Variants in DBX2 observed in about 807,000 individuals in gnomAD.
The protein encoded by DBX2 is developing brain homeobox 2, also known as homeobox protein DBX2.
In DBX2, 16 loss-of-function variants were observed where a neutral mutation model predicts 17.7. The ratio of observed to expected loss-of-function variants is 0.90; its 90% CI spans 0.61 to 1.37. The LOEUF (loss-of-function observed/expected upper bound fraction) is 1.37. Among genes scored for constraint, DBX2 ranks in the 40% most tolerant of loss-of-function variants. The probability of loss-of-function intolerance (pLI) is 0.00; values close to 1 mark genes in which losing one functional copy is unlikely to be tolerated. For missense variants in DBX2, 538 were observed against 433.8 expected (o/e 1.24, Z -2.13); for synonymous variants, 255 against 183.8 (o/e 1.39, Z -3.13).
chr12:45,039,667 T>C lies in DBX2; in HGVS notation c.404-3553A>G, dbSNP rs551815212. On this transcript the variant is annotated intron_variant, in intron 1 of 3. Transcript: ENST00000332700. ...TACAAATTTAACACATGCTAACTCA[T>C]TGATTCATTAACATTCGACACATCT... Among the ~76,000 whole-genome samples, 11 of 152,156 alleles carry C rather than the reference T, an allele frequency of 7.2e-5. 1 individual carries two copies. The highest frequency in any genetic ancestry group is 3.3e-4 in the Admixed American group (5 of 15,284).
chr12:45,036,229 G>C, intron 1 of DBX2, 115 bp from the exon 2 acceptor site: 4 of 926,668 alleles, frequency 4.3e-6, no homozygotes, highest in Non-Finnish European at 6.1e-6. Context: ...AATTTGTATT[G>C]AAATTAAAGT....
At chr12:45,028,291 G>C (rs191200970) in intron 2 of DBX2, among the ~76,000 whole-genome samples, 17 of 152,258 alleles carry the variant, frequency 1.1e-4, no homozygotes, top group African/African-American at 3.6e-4. Flanking sequence ...TTGCAAGAAG[G>C]ACATAAGCAA....
At chr12:45,028,592 T>G (rs1032778221) in intron 2 of DBX2, among the ~76,000 whole-genome samples, 2 of 152,158 alleles carry the variant, frequency 1.3e-5, no homozygotes, top group Admixed American at 6.6e-5. Flanking sequence ...AAAAAGAAGA[T>G]TCCCATTAAG....
chr12:45,046,310 A>G (rs1946499791), intron 1 of DBX2, among the ~76,000 whole-genome samples: 1 of 152,168 alleles, frequency 6.6e-6, no homozygotes, highest in African/African-American at 2.4e-5. Flanking sequence ...TGGAAAGAAT[A>G]TGGTTCTGGT....
intron 1 of DBX2, among the ~76,000 whole-genome samples, chr12:45,044,412 A>G (rs1414891558): frequency 1.3e-5 from 2 of 152,172 alleles, no homozygotes; most frequent in African/African-American, 4.8e-5. Flanking sequence ...TTTAAAAATA[A>G]TAGAGACTTA....
rs987181390 is a variant in DBX2, at chr12:45,050,539, T to C, written c.389A>G (p.Gln130Arg). The C allele has an allele frequency of 3.9e-6, 6 of 1,550,994 alleles. No individual in the cohort carries two copies. The highest frequency in any genetic ancestry group is 2.0e-5 in the Admixed American group (1 of 51,278). ...RAPGDRDCTF[Q>R]PSAPAPSKPF... ...AGCTGGCTCACCTGGCGCTGAAGGC[T>C]GGAAGGTACAGTCTCGGTCCCCCGG... Residue 130 changes from glutamine (Q) to arginine (R), a missense_variant, in exon 1 of 4, where the codon CAG (glutamine) becomes CGG (arginine). By Grantham distance (43) the Gln-to-Arg change is conservative. Transcript: ENST00000332700.
At position 45,050,783 on chromosome 12, in the gene DBX2, C is replaced by T. The variant is rs1167017634; in HGVS notation, c.145G>A (p.Ala49Thr). The change falls in exon 1 of 4, where the codon GCC becomes ACC. Residue 49 changes from alanine to threonine, a missense_variant. Coordinates refer to ENST00000332700, the MANE Select transcript of DBX2 (RefSeq NM_001004329.3). ...GGCGGCTGCAGCCTGGGCGTTGGGGCGCCCCCGACCCGCAGCAAATTCTCG... is the reference window on the plus strand; with the variant it reads ...GGCGGCTGCAGCCTGGGCGTTGGGGTGCCCCCGACCCGCAGCAAATTCTCG... ...LIENLLRVGG[A>T]PTPRLQPPAP... 6 of 1,518,282 alleles carry T rather than the reference C, an allele frequency of 4.0e-6. No individual in the cohort carries two copies. The highest frequency in any genetic ancestry group is 2.9e-5 in the African/African-American group (2 of 69,438). The allele number at this position is 1,518,282 out of a possible 1,614,324, so 94.1% of individuals were successfully genotyped here. A position where few individuals can be genotyped will look rare whatever the true frequency, so the allele number is the denominator to read the frequency against.
intron 3 of DBX2, among the ~76,000 whole-genome samples, chr12:45,019,420 T>C (rs902141842): frequency 3.3e-5 from 5 of 152,090 alleles, no homozygotes; most frequent in African/African-American, 1.2e-4. Flanking sequence ...ACAAATAGCA[T>C]TGCCCATGAG....
Position 45,050,939 on chromosome 12 carries a change from A to C in DBX2, c.-12T>G, listed in dbSNP as rs1211774823. 4 of 1,441,998 alleles carry C rather than the reference A, an allele frequency of 2.8e-6. No individual in the cohort carries two copies. Among genetic ancestry groups the C allele is most frequent in the Non-Finnish European group, 3.7e-6 (4 of 1,095,482 alleles). The allele number at this position is 1,441,998 out of a possible 1,614,324, so 89.3% of individuals were successfully genotyped here. A position where few individuals can be genotyped will look rare whatever the true frequency, so the allele number is the denominator to read the frequency against. On this transcript the variant is annotated 5_prime_UTR_variant, in exon 1 of 4. Coordinates refer to ENST00000332700, the MANE Select transcript of DBX2 (RefSeq NM_001004329.3). ...GCGCTGGGGAGCATAGTGCGGCGCC[A>C]ACCGGTCTGCTGCGCGCCCGCCTTG...
At chr12:45,048,742 C>CAATAATTTTT (rs1946513479) in intron 1 of DBX2, among the ~76,000 whole-genome samples, 1 of 151,996 alleles carries the variant, frequency 6.6e-6, no homozygotes, top group African/African-American at 2.4e-5. Context: ...GTTTTCTTTA[C>CAATAATTTTT]AAGAATAATT....
chr12:45,017,361 CAT>C (rs1231331367), intron 3 of DBX2, among the ~76,000 whole-genome samples: 1 of 152,046 alleles, frequency 6.6e-6, no homozygotes, highest in Non-Finnish European at 1.5e-5. Flanking sequence ...CCTCATTTCA[CAT>C]GTTAAAAAAA....
rs74879879 is a variant in DBX2 at position 45,016,831 on chromosome 12, T to C, written c.688-213A>G. On this transcript the variant is annotated intron_variant, in intron 3 of 3. Coordinates refer to ENST00000332700, the MANE Select transcript of DBX2 (RefSeq NM_001004329.3). ...TATTTTTTTTGAGATGGGGTCTCTCTCTGTCACCCTGGTGCAATCTCAGCT... is the reference window on the plus strand; with the variant it reads ...TATTTTTTTTGAGATGGGGTCTCTCCCTGTCACCCTGGTGCAATCTCAGCT... Among the ~76,000 whole-genome samples the C allele has an allele frequency of 9.8e-5, 15 of 152,296 alleles. No homozygotes were observed. The East Asian group carries it at 2.7e-3, about 27-fold the overall frequency.
At chr12:45,041,016 A>G (rs1946468155) in intron 1 of DBX2, among the ~76,000 whole-genome samples, 1 of 150,722 alleles carries the variant, frequency 6.6e-6, no homozygotes, top group Non-Finnish European at 1.5e-5. Context: ...AGAAGGTTCC[A>G]AAGTATCTTA....
chr12:45,041,595 A>G (rs1359914468), intron 1 of DBX2, among the ~76,000 whole-genome samples: 1 of 152,224 alleles, frequency 6.6e-6, no homozygotes, highest in Non-Finnish European at 1.5e-5. Flanking sequence ...AGAAAACAAG[A>G]GAAGCCCGCA....
intron 1 of DBX2, among the ~76,000 whole-genome samples, chr12:45,049,686 G>T (rs1484888792): frequency 4.6e-5 from 7 of 151,560 alleles, no homozygotes; most frequent in Non-Finnish European, 4.4e-5. Context: ...AATCCAATTG[G>T]GTCTCAGTTT....
chr12:45,038,268 T>A (rs557255920), intron 1 of DBX2, among the ~76,000 whole-genome samples: 1 of 151,966 alleles, frequency 6.6e-6, no homozygotes, highest in African/African-American at 2.4e-5. Flanking sequence ...AAATGATGGC[T>A]CTTGCACTGT....
intron 1 of DBX2, among the ~76,000 whole-genome samples, chr12:45,039,277 G>GTGTATATATATATATA (rs1491581232): frequency 1.1e-5 from 1 of 90,276 alleles, no homozygotes. Flanking sequence ...TGCATTGAAG[G>GTGTATATATATATATA]TATATATATA....
chr12:45,038,548 CAT>C (rs962652283), intron 1 of DBX2, among the ~76,000 whole-genome samples: 9 of 151,040 alleles, frequency 6.0e-5, no homozygotes, highest in African/African-American at 1.9e-4. Flanking sequence ...CTTATATATA[CAT>C]ATATATATTA....
At chr12:45,026,880 A>T (rs1427236575) in intron 2 of DBX2, among the ~76,000 whole-genome samples, 1 of 152,042 alleles carries the variant, frequency 6.6e-6, no homozygotes, top group Non-Finnish European at 1.5e-5. Context: ...TTCACATAGG[A>T]TGTTGGTTAT....
Sources: allele counts gnomAD v4.1 joint callset (sites outside exome capture counted in the v4.1 genomes callset), GRCh38; gene constraint gnomAD v4.1.1; transcripts MANE v1.5; gene names NCBI Gene and HGNC (gene_info 2026-07-23, HGNC 2026-07-21).